Variants in WDR70 observed in about 807,000 individuals in gnomAD.
The protein encoded by WDR70 is WD repeat domain 70.
Under a neutral mutation model 88.6 loss-of-function variants are expected in WDR70, and 53 were observed. The observed-to-expected ratio is 0.60, with a 90% CI of 0.48 to 0.75. The LOEUF is 0.75. Ranked by LOEUF, WDR70 falls within the 30% of genes least tolerant of loss-of-function variation. WDR70 has a pLI of 0.00. For synonymous variants in WDR70, 280 were observed against 270.0 expected, an observed-to-expected ratio of 1.04 and a Z score of -0.36; for missense variants, 610 against 823.2, an observed-to-expected ratio of 0.74 and a Z score of 3.17.
intron 11 of WDR70, among the ~76,000 whole-genome samples, chr5:37,699,638 T>C (rs1747092941): frequency 6.6e-6 from 1 of 152,020 alleles, no homozygotes. Flanking sequence ...TGTGGAGATA[T>C]GTAACCTTTT....
chr5:37,424,168 AAAAAC>A (rs1561847037), intron 5 of WDR70, among the ~76,000 whole-genome samples: 4 of 150,330 alleles, frequency 2.7e-5, no homozygotes, highest in South Asian at 2.1e-4. Context: ...AAAAAAAAAA[AAAAAC>A]AAAGACAAAA....
chr5:37,401,434 G>A (rs545544240), intron 5 of WDR70, among the ~76,000 whole-genome samples: 1 of 151,372 alleles, frequency 6.6e-6, no homozygotes, highest in South Asian at 2.1e-4. Context: ...TCCTGCCTCA[G>A]CCTCCTGAGT....
intron 9 of WDR70, among the ~76,000 whole-genome samples, chr5:37,541,740 G>A (rs1405462802): frequency 1.3e-5 from 2 of 152,116 alleles, no homozygotes; most frequent in Non-Finnish European, 2.9e-5. Context: ...GGATCCATTT[G>A]CAAGCATTTG....
At chr5:37,743,639 C>T (rs984169935) in intron 17 of WDR70, among the ~76,000 whole-genome samples, 2 of 152,230 alleles carry the variant, frequency 1.3e-5, no homozygotes, top group Non-Finnish European at 2.9e-5. Context: ...GCCCAACACA[C>T]CGGCTGTGGC....
chr5:37,421,676 G>C (rs558610877), intron 5 of WDR70, among the ~76,000 whole-genome samples: 1 of 152,040 alleles, frequency 6.6e-6, no homozygotes, highest in Non-Finnish European at 1.5e-5. Context: ...CTTCTAAAAA[G>C]ATGCTTTGTT....
At chr5:37,496,778 C>T (rs1561875493) in intron 8 of WDR70, among the ~76,000 whole-genome samples, 1 of 152,168 alleles carries the variant, frequency 6.6e-6, no homozygotes, top group Non-Finnish European at 1.5e-5. Flanking sequence ...AATTGAGTAG[C>T]AGCCATCTGT....
chr5:37,380,118 A>T (rs1748379356), intron 2 of WDR70, among the ~76,000 whole-genome samples: 1 of 152,234 alleles, frequency 6.6e-6, no homozygotes, highest in African/African-American at 2.4e-5. Flanking sequence ...AAAACTTAGT[A>T]GACTGATACA....
At chr5:37,641,261 C>T in intron 10 of WDR70, among the ~76,000 whole-genome samples, 1 of 151,354 alleles carries the variant, frequency 6.6e-6, no homozygotes, top group South Asian at 2.1e-4. Flanking sequence ...GATTATAGGC[C>T]TATGCCACCA....
chr5:37,439,721 A>T (rs1300536103), intron 6 of WDR70, among the ~76,000 whole-genome samples: 4 of 146,798 alleles, frequency 2.7e-5, no homozygotes, highest in Admixed American at 1.4e-4. Flanking sequence ...TTTCTCTCTG[A>T]TCTTTTTTTC....
intron 17 of WDR70, among the ~76,000 whole-genome samples, chr5:37,735,527 G>A (rs1037705936): frequency 2.0e-5 from 3 of 152,024 alleles, no homozygotes; most frequent in Admixed American, 6.6e-5. Context: ...CCTTTCTGCC[G>A]CTGCATTTTG....
intron 5 of WDR70, among the ~76,000 whole-genome samples, chr5:37,405,084 G>A (rs1030454565): frequency 5.3e-5 from 8 of 151,968 alleles, no homozygotes; most frequent in Middle Eastern, 3.2e-3. Context: ...AAATACCAGC[G>A]TATGTAAAAT....
intron 10 of WDR70, among the ~76,000 whole-genome samples, chr5:37,634,504 G>A (rs1481466322): frequency 1.3e-5 from 2 of 152,094 alleles, no homozygotes; most frequent in Non-Finnish European, 2.9e-5. Context: ...CATTGGAGTG[G>A]CGTGATATGG....
In WDR70 at chr5:37,697,386, T is replaced by C. The variant is rs544129912; in HGVS notation, c.1093-269T>C. 4.3e-4 allele frequency among the ~76,000 whole-genome samples: 65 copies of C among 152,340 alleles called. 2 individuals carry two copies. The South Asian group carries it at 0.013, about 31-fold the overall frequency. ...TAAATAAGAAGAAGTTATTGTAGTC[T>C]TGTCTTGTATAGAGCTTGCTAGGGC... is the stretch of plus-strand genomic sequence containing the variant. On this transcript the variant is annotated intron_variant, in intron 10 of 17. Transcript: ENST00000265107.
chr5:37,742,260 GTTGTTT>G (rs1248032226), intron 17 of WDR70, among the ~76,000 whole-genome samples: 3 of 130,444 alleles, frequency 2.3e-5, no homozygotes, highest in African/African-American at 9.6e-5. Flanking sequence ...GTTATTATCT[GTTGTTT>G]TTTTTTTTTT....
At chr5:37,457,747 G>A (rs1738889337) in intron 7 of WDR70, among the ~76,000 whole-genome samples, 1 of 151,828 alleles carries the variant, frequency 6.6e-6, no homozygotes, top group African/African-American at 2.4e-5. Flanking sequence ...TTATATCTTA[G>A]AACAGTACAG....
chr5:37,683,710 A>G (rs1364676707), intron 10 of WDR70, among the ~76,000 whole-genome samples: 2 of 151,536 alleles, frequency 1.3e-5, no homozygotes, highest in African/African-American at 2.4e-5. Context: ...TGAGAGGTCC[A>G]CTCTTAGTTT....
intron 5 of WDR70, among the ~76,000 whole-genome samples, chr5:37,427,886 C>T (rs1179604862): frequency 6.6e-6 from 1 of 151,910 alleles, no homozygotes; most frequent in African/African-American, 2.4e-5. Context: ...GAAAAAGATA[C>T]ATTTCCGAGC....
At chr5:37,602,154 C>A (rs998179752) in intron 9 of WDR70, among the ~76,000 whole-genome samples, 2 of 151,830 alleles carry the variant, frequency 1.3e-5, no homozygotes, top group African/African-American at 4.8e-5. Context: ...ACCACCATGG[C>A]GCATGTATAC....
rs1298653462 is a variant in WDR70, at chr5:37,563,120, C to T, written c.918-41944C>T. Among the ~76,000 whole-genome samples, 8 of 65,656 alleles carry T rather than the reference C, an allele frequency of 1.2e-4. 2 individuals are homozygous for T. The highest frequency in any genetic ancestry group is 3.4e-4 in the African/African-American group (8 of 23,330). 43.1% of individuals were successfully genotyped at this position (65,656 alleles called of 152,430 possible). A position where few individuals can be genotyped will look rare whatever the true frequency, so the allele number is the denominator to read the frequency against. The stretch of plus-strand genomic sequence containing the variant: ...CTCCCGGACGGGGCGGCTGGCTGGG[C>T]GGGGGGCTGACCTCCCGGCCTCCCT... On this transcript the variant is annotated intron_variant, in intron 9 of 17. Coordinates refer to ENST00000265107, the MANE Select transcript of WDR70 (RefSeq NM_018034.4).
Sources: allele counts gnomAD v4.1 joint callset (sites outside exome capture counted in the v4.1 genomes callset), GRCh38; gene constraint gnomAD v4.1.1; transcripts MANE v1.5; gene names NCBI Gene and HGNC (gene_info 2026-07-23, HGNC 2026-07-21).